SLC4A4: variants seen among roughly 807,000 people sequenced by gnomAD.
SLC4A4 encodes the protein electrogenic sodium bicarbonate cotransporter 1.
SLC4A4 carries 27 observed loss-of-function variants against 111.5 expected under a neutral mutation model. That is an observed-to-expected ratio of 0.24 (90% CI 0.18 to 0.33). The LOEUF (loss-of-function observed/expected upper bound fraction) is 0.33, where lower values mean the gene tolerates loss of function less well. Among genes scored for constraint, SLC4A4 ranks in the 10% least tolerant of loss-of-function variants. The probability of loss-of-function intolerance (pLI) is 1.00; values close to 1 mark genes in which losing one functional copy is unlikely to be tolerated. For missense variants in SLC4A4, 909 were observed against 1,315.5 expected (o/e 0.69, Z 4.78); for synonymous variants, 443 against 463.4 (o/e 0.96, Z 0.57).
At chr4:71,278,613 T>G (rs1723258887) in intron 3 of SLC4A4, among the ~76,000 whole-genome samples, 1 of 152,214 alleles carries the variant, frequency 6.6e-6, no homozygotes, top group South Asian at 2.1e-4. Context: ...CCTCTTGTCT[T>G]TTTCATAATA....
intron 3 of SLC4A4, among the ~76,000 whole-genome samples, chr4:71,284,371 T>G (rs1444281531): frequency 6.6e-6 from 1 of 152,204 alleles, no homozygotes; most frequent in Admixed American, 6.5e-5. Flanking sequence ...GCCAGTTGCT[T>G]TGCATGGTGG....
intron 18 of SLC4A4, among the ~76,000 whole-genome samples, chr4:71,535,820 A>C (rs1734361817): frequency 6.6e-6 from 1 of 151,482 alleles, no homozygotes; most frequent in South Asian, 2.1e-4. Context: ...AAAACAAGTG[A>C]GGTATGCTCC....
In SLC4A4 at chr4:71,366,737, A is replaced by C. The variant is rs542984061; in HGVS notation, c.730+9550A>C. ...TCATTACCATGGTATAATTACAGAAAGTTCTGCTCTAGCTTTGGGAACGAC... is the reference window on the plus strand; with the variant it reads ...TCATTACCATGGTATAATTACAGAACGTTCTGCTCTAGCTTTGGGAACGAC... On this transcript the variant is annotated intron_variant, in intron 6 of 25. Transcript: ENST00000264485. Among the ~76,000 whole-genome samples, 7 of 152,320 alleles carry C rather than the reference A, an allele frequency of 4.6e-5. No homozygotes were observed. The South Asian group carries it at 1.5e-3, about 32-fold the overall frequency.
intron 16 of SLC4A4, among the ~76,000 whole-genome samples, chr4:71,514,864 G>A (rs1428834116): frequency 1.3e-5 from 2 of 151,910 alleles, no homozygotes; most frequent in Non-Finnish European, 1.5e-5. Flanking sequence ...ATTTTACTTG[G>A]ATGTCTTCTT....
At chr4:71,386,579 T>G (rs914543848) in intron 6 of SLC4A4, among the ~76,000 whole-genome samples, 3 of 151,758 alleles carry the variant, frequency 2.0e-5, no homozygotes, top group Non-Finnish European at 4.4e-5. Context: ...TTATTGAGGT[T>G]TTTTCTTTTC....
intron 1 of SLC4A4, among the ~76,000 whole-genome samples, chr4:71,073,571 C>T (rs1741725049): frequency 6.6e-6 from 1 of 152,078 alleles, no homozygotes; most frequent in Admixed American, 6.6e-5. Flanking sequence ...TCCACCTATT[C>T]TGGTTGATTT....
intron 16 of SLC4A4, among the ~76,000 whole-genome samples, chr4:71,520,181 A>G (rs1004016435): frequency 1.3e-5 from 2 of 152,206 alleles, no homozygotes; most frequent in Non-Finnish European, 2.9e-5. Flanking sequence ...AACAATTCAC[A>G]TGAAACCTCT....
intron 7 of SLC4A4, among the ~76,000 whole-genome samples, chr4:71,419,355 G>A (rs912627077): frequency 2.0e-5 from 3 of 152,212 alleles, no homozygotes; most frequent in Non-Finnish European, 4.4e-5. Flanking sequence ...CACCCAGTTG[G>A]AGCTTCCCTG....
At chr4:71,327,230 A>G (rs1727572298) in intron 3 of SLC4A4, among the ~76,000 whole-genome samples, 1 of 151,966 alleles carries the variant, frequency 6.6e-6, no homozygotes, top group African/African-American at 2.4e-5. Context: ...TAATGAACCA[A>G]ATTTCAACTA....
chr4:71,190,119 G>A (rs1486892586), intron 1 of SLC4A4, among the ~76,000 whole-genome samples: 1 of 152,116 alleles, frequency 6.6e-6, no homozygotes, highest in East Asian at 1.9e-4. Flanking sequence ...TACAAAACTG[G>A]ATCTTACTAC....
At chr4:71,122,274 C>T (rs192446508) in intron 2 of SLC4A4, among the ~76,000 whole-genome samples, 7 of 146,644 alleles carry the variant, frequency 4.8e-5, no homozygotes, top group African/African-American at 1.8e-4. Context: ...GATCACGCCA[C>T]TGCACTCCAG....
At chr4:71,490,429 C>T (rs7656234) in intron 15 of SLC4A4, among the ~76,000 whole-genome samples, 87,015 of 151,580 alleles carry the variant, frequency 0.57, 27,576 homozygotes, top group Non-Finnish European at 0.73. Context: ...AAACAAGATA[C>T]AGGACATTTC....
At chr4:71,073,416 A>G (rs190840201) in intron 1 of SLC4A4, among the ~76,000 whole-genome samples, 1 of 152,330 alleles carries the variant, frequency 6.6e-6, no homozygotes, top group Admixed American at 6.5e-5. Context: ...ACCCTGGAGA[A>G]TATGTTTTTA....
intron 6 of SLC4A4, among the ~76,000 whole-genome samples, chr4:71,386,500 T>C: frequency 6.6e-6 from 1 of 152,098 alleles, no homozygotes; most frequent in East Asian, 1.9e-4. Context: ...TTCTCTTATG[T>C]TTTCTGGCTC....
Position 71,075,735 on chromosome 4 carries a change from C to T in SLC4A4, c.-65+12947C>T, listed in dbSNP as rs555786254. Among the ~76,000 whole-genome samples, 6 of 151,964 alleles carry T rather than the reference C, an allele frequency of 3.9e-5. No homozygotes were observed. The East Asian group carries it at 7.8e-4, about 20-fold the overall frequency. On this transcript the variant is annotated intron_variant, in intron 1 of 26. Coordinates refer to the SLC4A4 transcript ENST00000649996. ...CTGTAATCCCAGCATTTTGGGAGGC[C>T]GAGGTGGGCAGATCACAAGGTCAGG...
At chr4:71,310,564 C>T (rs1726057707) in intron 3 of SLC4A4, among the ~76,000 whole-genome samples, 1 of 152,156 alleles carries the variant, frequency 6.6e-6, no homozygotes, top group Admixed American at 6.5e-5. Context: ...ATTTTCAACC[C>T]AGAATTTCAT....
chr4:71,510,698 A>C (rs1280425071), intron 16 of SLC4A4, among the ~76,000 whole-genome samples: 1 of 152,210 alleles, frequency 6.6e-6, no homozygotes, highest in Non-Finnish European at 1.5e-5. Context: ...TGGAGAATTT[A>C]ACCCATTTAC....
intron 1 of SLC4A4, among the ~76,000 whole-genome samples, chr4:71,209,065 G>A (rs1341108489): frequency 6.6e-6 from 1 of 152,150 alleles, no homozygotes; most frequent in Admixed American, 6.5e-5. Flanking sequence ...GAAAGTTTGT[G>A]TCAAATTTTC....
At chr4:71,452,174 C>T (rs1461078468) in intron 11 of SLC4A4, among the ~76,000 whole-genome samples, 1 of 151,908 alleles carries the variant, frequency 6.6e-6, no homozygotes, top group Non-Finnish European at 1.5e-5. Flanking sequence ...ATTTCATTCT[C>T]CTGATGACCC....
Sources: allele counts gnomAD v4.1 joint callset (sites outside exome capture counted in the v4.1 genomes callset), GRCh38; gene constraint gnomAD v4.1.1; transcripts MANE v1.5; gene names NCBI Gene and HGNC (gene_info 2026-07-23, HGNC 2026-07-21).